Variants in GFRA1 observed in about 807,000 individuals in gnomAD.
GFRA1 encodes GDNF family receptor alpha 1.
Under a neutral mutation model 51.6 loss-of-function variants are expected in GFRA1, and 16 were observed. The observed-to-expected ratio is 0.31, with a 90% confidence interval of 0.21 to 0.47. The LOEUF is 0.47. Ranked by LOEUF, GFRA1 falls within the 20% of genes least tolerant of loss-of-function variation. The pLI, the probability that GFRA1 is intolerant of heterozygous loss-of-function variation, is 1.00. For synonymous variants in GFRA1, 270 were observed against 241.3 expected (o/e 1.12, Z -1.10); for missense variants, 530 against 594.3 (o/e 0.89, Z 1.13).
At chr10:116,149,560 T>C (rs1958978137) in intron 5 of GFRA1, among the ~76,000 whole-genome samples, 1 of 152,140 alleles carries the variant, frequency 6.6e-6, no homozygotes, top group African/African-American at 2.4e-5. Context: ...ATATAAAACG[T>C]ATTCTCTCGT....
intron 9 of GFRA1, among the ~76,000 whole-genome samples, chr10:116,084,761 AACACACAC>A (rs5788130): frequency 0.086 from 11,977 of 139,972 alleles, 551 homozygotes; most frequent in South Asian, 0.087. Context: ...TTAAATAAGT[AACACACAC>A]ACACACACAC....
chr10:116,271,564 C>T (rs1033164609), intron 2 of GFRA1, among the ~76,000 whole-genome samples: 2 of 152,150 alleles, frequency 1.3e-5, no homozygotes, highest in African/African-American at 4.8e-5. Context: ...GCAGGCCAGC[C>T]ATGGTCAGCG....
intron 9 of GFRA1, among the ~76,000 whole-genome samples, chr10:116,075,212 G>A (rs34290993): frequency 0.02 from 2,996 of 151,476 alleles, 59 homozygotes; most frequent in South Asian, 0.049. Flanking sequence ...TGAGAATAGT[G>A]GTTTAAAAAA....
At chr10:116,265,407 A>G (rs1969581417) in intron 4 of GFRA1, among the ~76,000 whole-genome samples, 1 of 152,158 alleles carries the variant, frequency 6.6e-6, no homozygotes, top group Non-Finnish European at 1.5e-5. Context: ...TCTCCCAATC[A>G]ATAGTTTTAA....
intron 10 of GFRA1, 65 bp downstream of exon 10, chr10:116,065,508 G>T: frequency 7.8e-7 from 1 of 1,289,156 alleles, no homozygotes; most frequent in Non-Finnish European, 1.1e-6. Context: ...ATGATACCCT[G>T]CCCCCAGGGG....
chr10:116,267,327 G>A (rs1404286188), intron 4 of GFRA1, among the ~76,000 whole-genome samples: 8 of 151,976 alleles, frequency 5.3e-5, no homozygotes, highest in East Asian at 1.9e-4. Context: ...TTATCCAGGC[G>A]TGGTGGCAGG....
intron 5 of GFRA1, among the ~76,000 whole-genome samples, chr10:116,199,579 CCTCT>C (rs1424160439): frequency 3.3e-5 from 5 of 152,230 alleles, no homozygotes; most frequent in African/African-American, 4.8e-5. Context: ...CATCTATCCA[CCTCT>C]CTATCCATCC....
intron 4 of GFRA1, among the ~76,000 whole-genome samples, chr10:116,221,872 CTCTT>C (rs1965949523): frequency 1.3e-5 from 2 of 152,180 alleles, no homozygotes; most frequent in Admixed American, 6.5e-5. Flanking sequence ...TTTACAAATT[CTCTT>C]TCTAAAATAT....
In GFRA1 at chr10:116,058,040, G is replaced by GTGTGTGTGTGTGTGTGTA. The variant is rs1416647949; in HGVS notation, c.*6357_*6358insTACACACACACACACACA. On this transcript the variant is annotated 3_prime_UTR_variant, in exon 11 of 11. Transcript: ENST00000355422. ...TGTGTGTGTGTGTGTGTGTGTGTGT[G>GTGTGTGTGTGTGTGTGTA]TGACAGAGAGAACCACGCTTTATTG... The GTGTGTGTGTGTGTGTGTA allele has an allele frequency of 1.4e-5, 2 of 141,348 alleles. No homozygotes were observed. Among genetic ancestry groups the GTGTGTGTGTGTGTGTGTA allele is most frequent in the African/African-American group, 5.3e-5 (2 of 37,428 alleles). The allele number at this position is 141,348 out of a possible 1,614,324, so 8.8% of individuals were successfully genotyped here.
At chr10:116,140,487 T>C (rs757954565) in intron 5 of GFRA1, among the ~76,000 whole-genome samples, 27 of 152,206 alleles carry the variant, frequency 1.8e-4, no homozygotes, top group Non-Finnish European at 2.4e-4. Flanking sequence ...TGGTAGTGGT[T>C]GAAGTGTATG....
At chr10:116,195,801 TG>T (rs1963690113) in intron 5 of GFRA1, among the ~76,000 whole-genome samples, 1 of 152,198 alleles carries the variant, frequency 6.6e-6, no homozygotes, top group South Asian at 2.1e-4. Context: ...GGCCCAAACT[TG>T]CAAACCCTAT....
intron 6 of GFRA1, among the ~76,000 whole-genome samples, chr10:116,104,051 G>A (rs1010821349): frequency 6.6e-6 from 1 of 152,128 alleles, no homozygotes; most frequent in African/African-American, 2.4e-5. Flanking sequence ...AAAGGGTCTG[G>A]GGAGGTCCAC....
At chr10:116,102,992 G>C (rs914176039) in intron 6 of GFRA1, among the ~76,000 whole-genome samples, 11 of 152,220 alleles carry the variant, frequency 7.2e-5, no homozygotes, top group Admixed American at 2.0e-4. Context: ...AGCTTTCTCA[G>C]TGGGTCAGTT....
chr10:116,225,697 C>A (rs1966247401), intron 4 of GFRA1, among the ~76,000 whole-genome samples: 1 of 151,354 alleles, frequency 6.6e-6, no homozygotes, highest in South Asian at 2.1e-4. Context: ...TCAAGCAATT[C>A]TCCTGCCTCA....
chr10:116,085,781 A>T (rs1956076230), intron 9 of GFRA1, among the ~76,000 whole-genome samples: 1 of 152,180 alleles, frequency 6.6e-6, no homozygotes, highest in African/African-American at 2.4e-5. Context: ...TATTACTGGC[A>T]AACTGTCAGT....
chr10:116,135,762 G>C (rs1296567638), intron 5 of GFRA1, among the ~76,000 whole-genome samples: 1 of 152,130 alleles, frequency 6.6e-6, no homozygotes, highest in Non-Finnish European at 1.5e-5. Context: ...TGATCTTCTA[G>C]GAGGACTCAA....
chr10:116,072,829 AACC>A (rs1955462565), intron 9 of GFRA1, among the ~76,000 whole-genome samples: 1 of 152,148 alleles, frequency 6.6e-6, no homozygotes, highest in Non-Finnish European at 1.5e-5. Context: ...CTAGCTTTCC[AACC>A]ATCATCCATG....
rs755171915 is a variant in GFRA1 at position 116,198,894 on chromosome 10, C to T, written c.433+12737G>A. Among the ~76,000 whole-genome samples the T allele has an allele frequency of 9.5e-4, 145 of 152,146 alleles. 3 individuals carry two copies. The highest frequency in any genetic ancestry group is 3.7e-4 in the Non-Finnish European group (25 of 68,034). On this transcript the variant is annotated intron_variant, in intron 5 of 10. Coordinates refer to ENST00000355422, the MANE Select transcript of GFRA1 (RefSeq NM_005264.8). ...AGGTAATTAAGTTAAAATGCGGTCA[C>T]GATGGATTAGGGTAAGCCCTAAATC...
intron 6 of GFRA1, among the ~76,000 whole-genome samples, chr10:116,118,657 T>C (rs1267087237): frequency 6.6e-6 from 1 of 152,208 alleles, no homozygotes; most frequent in African/African-American, 2.4e-5. Flanking sequence ...CCATTCCTTT[T>C]CCATCCGCAT....
Sources: gnomAD v4.1 joint callset for allele counts (sites outside exome capture counted in the v4.1 genomes callset) on GRCh38, gnomAD v4.1.1 for gene constraint, MANE v1.5 for transcripts, NCBI Gene and HGNC (gene_info 2026-07-23, HGNC 2026-07-21) for gene names.